CDH4: variants seen among roughly 807,000 people sequenced by gnomAD.
CDH4 encodes the protein cadherin 4, also known as cadherin-4.
A neutral mutation model predicts 86.0 loss-of-function variants in CDH4; 33 were observed. That is an observed-to-expected ratio of 0.38 (90% confidence interval 0.29 to 0.51). CDH4 has a LOEUF of 0.51. CDH4 is among the 20% of genes least tolerant of loss of function. The probability of loss-of-function intolerance (pLI) is 0.86; values close to 1 mark genes in which losing one functional copy is unlikely to be tolerated. For synonymous variants in CDH4, 555 were observed against 549.4 expected (o/e 1.01, Z -0.14); for missense variants, 1,114 against 1,307.4 (o/e 0.85, Z 2.28).
At chr20:61,928,097 C>T (rs763734700) in intron 11 of CDH4, 93 bp from the exon 12 acceptor site, 17 of 941,386 alleles carry the variant, frequency 1.8e-5, no homozygotes, top group South Asian at 4.0e-5. Context: ...GTATGTTGCA[C>T]GTGGTTGTTT....
At position 61,527,012 on chromosome 20, in the gene CDH4, G is replaced by A. The variant is rs555854597; in HGVS notation, c.170-216551G>A. Among the ~76,000 whole-genome samples the A allele has an allele frequency of 2.6e-5, 4 of 152,242 alleles. No individual in the cohort carries two copies. In the East Asian group the frequency reaches 5.8e-4, roughly 22 times the overall value. On this transcript the variant is annotated intron_variant, in intron 2 of 15. Transcript: ENST00000614565. ...ACAGTGTGTGGGAGCCCCGCACCGGGACCTTCCCGACGGGGCTCCATTGGC... is the reference window on the plus strand; with the variant it reads ...ACAGTGTGTGGGAGCCCCGCACCGGAACCTTCCCGACGGGGCTCCATTGGC...
chr20:61,317,715 T>C lies in CDH4; in HGVS notation c.169+62778T>C, dbSNP rs565394564. ...AAATGCCTCTAGATGTTGCCCAGTG[T>C]CCCCTGGGAGCAGGGACCCCCTTTC... On this transcript the variant is annotated intron_variant, in intron 2 of 15. Transcript: ENST00000614565. Among the ~76,000 whole-genome samples the C allele has an allele frequency of 4.1e-3, 629 of 152,180 alleles. 4 individuals are homozygous for C. The highest frequency in any genetic ancestry group is 0.014 in the African/African-American group (602 of 41,522).
intron 2 of CDH4, among the ~76,000 whole-genome samples, chr20:61,595,430 C>A (rs529088623): frequency 1.1e-4 from 17 of 152,188 alleles, no homozygotes; most frequent in African/African-American, 3.1e-4. Context: ...GTGTTGACTG[C>A]GGGATCCTTC....
chr20:61,386,146 C>T (rs1366704848), intron 2 of CDH4, among the ~76,000 whole-genome samples: 8 of 152,144 alleles, frequency 5.3e-5, no homozygotes, highest in East Asian at 1.9e-4. Context: ...TCTCATTGTT[C>T]GCCTTTCCTG....
chr20:61,528,699 G>A (rs75003504), intron 2 of CDH4, among the ~76,000 whole-genome samples: 10,143 of 152,204 alleles, frequency 0.067, 909 homozygotes, highest in African/African-American at 0.21. Context: ...CAAAGCTGCG[G>A]GAATGGAGAT....
At chr20:61,259,522 A>C (rs2084117963) in intron 2 of CDH4, among the ~76,000 whole-genome samples, 1 of 152,326 alleles carries the variant, frequency 6.6e-6, no homozygotes, top group Non-Finnish European at 1.5e-5. Flanking sequence ...GAAAATACTG[A>C]CACTGTTCGT....
chr20:61,608,835 C>T (rs79889242), intron 2 of CDH4, among the ~76,000 whole-genome samples: 1,977 of 152,236 alleles, frequency 0.013, 16 homozygotes, highest in Non-Finnish European at 0.015. Context: ...GTGGTGAGCA[C>T]GACCTCCTAG....
Position 61,871,235 on chromosome 20 carries a change from T to C in CDH4, c.878-2493T>C, listed in dbSNP as rs369051282. ...ATCATTTATCACATTTAGTGTCTAT[T>C]TTTCACTTTTATTTTAGAAAGTTTT... On this transcript the variant is annotated intron_variant, in intron 6 of 15. Coordinates refer to ENST00000614565, the MANE Select transcript of CDH4 (RefSeq NM_001794.5). Among the ~76,000 whole-genome samples the C allele has an allele frequency of 1.8e-4, 27 of 152,314 alleles. No individual in the cohort carries two copies. The East Asian group carries it at 5.2e-3, about 29-fold the overall frequency.
At chr20:61,748,194 G>A (rs868182364) in intron 3 of CDH4, among the ~76,000 whole-genome samples, 21 of 152,254 alleles carry the variant, frequency 1.4e-4, no homozygotes, top group East Asian at 5.8e-4. Context: ...GTGCAGTGGC[G>A]CAATCTCAGC....
Position 61,783,846 on chromosome 20 carries a change from C to CG in CDH4, c.576+10664_576+10665insG, listed in dbSNP as rs1978701637. ...AATCCCAGTTCCTCGGGACAGTTCTCAAGGCCCTCAGATGTCCTGTGCCCC... is the reference window on the plus strand; with the variant it reads ...AATCCCAGTTCCTCGGGACAGTTCTCGAAGGCCCTCAGATGTCCTGTGCCCC... On this transcript the variant is annotated intron_variant, in intron 4 of 15. Coordinates refer to ENST00000614565, the MANE Select transcript of CDH4 (RefSeq NM_001794.5). 3.6e-5 allele frequency among the ~76,000 whole-genome samples: 2 copies of CG among 56,030 alleles called. 1 individual carries two copies. Among genetic ancestry groups the CG allele is most frequent in the Admixed American group, 3.6e-4 (2 of 5,604 alleles). 36.8% of individuals were successfully genotyped at this position (56,030 alleles called of 152,430 possible). A position where few individuals can be genotyped will look rare whatever the true frequency, so the allele number is the denominator to read the frequency against.
chr20:61,899,175 C>T (rs982238614), intron 8 of CDH4, among the ~76,000 whole-genome samples: 3 of 151,636 alleles, frequency 2.0e-5, no homozygotes, highest in African/African-American at 4.8e-5. Flanking sequence ...TGTGGTGGTG[C>T]GCACCTGTAA....
At chr20:61,768,631 T>G (rs1390695502) in intron 3 of CDH4, among the ~76,000 whole-genome samples, 1 of 152,224 alleles carries the variant, frequency 6.6e-6, no homozygotes, top group African/African-American at 2.4e-5. Flanking sequence ...TGATGTCTTC[T>G]GAATGGGCCC....
chr20:61,725,628 G>C (rs2088100987), intron 2 of CDH4, among the ~76,000 whole-genome samples: 1 of 152,148 alleles, frequency 6.6e-6, no homozygotes, highest in Non-Finnish European at 1.5e-5. Flanking sequence ...CCCCCAAATT[G>C]CACTTATGGG....
chr20:61,827,635 G>A (rs1186897926), intron 4 of CDH4, among the ~76,000 whole-genome samples: 1 of 152,212 alleles, frequency 6.6e-6, no homozygotes, highest in African/African-American at 2.4e-5. Context: ...CAGCCCAATA[G>A]CACTGAACAC....
intron 2 of CDH4, among the ~76,000 whole-genome samples, chr20:61,504,218 C>T (rs542963327): frequency 1.7e-4 from 26 of 152,344 alleles, no homozygotes; most frequent in African/African-American, 6.0e-4. Flanking sequence ...GCCGGCCACA[C>T]ACTGGGGCGC....
In CDH4 at chr20:61,347,591, C is replaced by T. The variant is rs375580026; in HGVS notation, c.169+92654C>T. On this transcript the variant is annotated intron_variant, in intron 2 of 15. Transcript: ENST00000614565. ...AAAATGAATTAGACCTTTCCAGTTTCCCTCTAGTGTGAGCGCTGAGAGACA... is the reference window on the plus strand; with the variant it reads ...AAAATGAATTAGACCTTTCCAGTTTTCCTCTAGTGTGAGCGCTGAGAGACA... Among the ~76,000 whole-genome samples, 15 of 152,298 alleles carry T rather than the reference C, an allele frequency of 9.8e-5. No individual in the cohort carries two copies. In the East Asian group the frequency reaches 2.1e-3, roughly 22 times the overall value.
intron 4 of CDH4, among the ~76,000 whole-genome samples, chr20:61,777,858 A>G (rs567489297): frequency 3.3e-4 from 50 of 152,006 alleles, no homozygotes; most frequent in African/African-American, 1.0e-3. Context: ...ACACATCCAC[A>G]TGCGCACGCA....
At chr20:61,280,305 T>A (rs2084251845) in intron 2 of CDH4, among the ~76,000 whole-genome samples, 1 of 152,156 alleles carries the variant, frequency 6.6e-6, no homozygotes, top group African/African-American at 2.4e-5. Context: ...AAAGAGAGGA[T>A]GTGAACTGCC....
At chr20:61,844,913 C>T (rs1982367125) in intron 5 of CDH4, 90 bp downstream of exon 5, 23 of 1,307,772 alleles carry the variant, frequency 1.8e-5, no homozygotes, top group East Asian at 1.2e-4. Context: ...CAGGGCCATG[C>T]CTGCCCTAAC....
Sources: gnomAD v4.1 joint callset for allele counts (sites outside exome capture counted in the v4.1 genomes callset) on GRCh38, gnomAD v4.1.1 for gene constraint, MANE v1.5 for transcripts, NCBI Gene and HGNC (gene_info 2026-07-23, HGNC 2026-07-21) for gene names.